The following CEACAM3 variants were observed in gnomAD, a reference collection of about 807,000 sequenced individuals.
The protein encoded by CEACAM3 is CEA cell adhesion molecule 3.
In CEACAM3, 32 loss-of-function variants were observed where a neutral mutation model predicts 30.1. The ratio of observed to expected loss-of-function variants is 1.06; its 90% CI spans 0.80 to 1.43. The LOEUF is 1.43. Among genes scored for constraint, CEACAM3 ranks in the 40% most tolerant of loss-of-function variants. CEACAM3 has a pLI of 0.00. For missense variants in CEACAM3, 290 were observed against 316.3 expected (o/e 0.92, Z 0.63); for synonymous variants, 134 against 127.2 (o/e 1.05, Z -0.36).
At chr19:41,799,602 C>T (rs527726545) in intron 2 of CEACAM3, among the ~76,000 whole-genome samples, 1 of 152,278 alleles carries the variant, frequency 6.6e-6, no homozygotes, top group African/African-American at 2.4e-5. Flanking sequence ...CCGGGCCTCC[C>T]TCTCAGATGC....
At chr19:41,804,621 T>C (rs983150766) in intron 2 of CEACAM3, among the ~76,000 whole-genome samples, 3 of 152,188 alleles carry the variant, frequency 2.0e-5, no homozygotes, top group African/African-American at 7.2e-5. Flanking sequence ...CTAACAGGAC[T>C]CACAATTCTC....
rs1555825488 is a variant in CEACAM3, at chr19:41,797,934, A to G, written c.410A>G (p.Gln137Arg). 6.2e-7 allele frequency: 1 copy of G among 1,604,870 alleles called. No homozygotes were observed. Among genetic ancestry groups the G allele is most frequent in the South Asian group, 1.1e-5 (1 of 89,558 alleles). The change falls in exon 2 of 7, where the codon CAG (glutamine) becomes CGG (arginine). Residue 137 changes from glutamine to arginine, a missense_variant. Coordinates refer to ENST00000357396, the MANE Select transcript of CEACAM3 (RefSeq NM_001815.5). Reference sequence around the variant, plus strand: ...CTTGTGAATGAAGAAGCAACTGGACAGTTCCATGTATACCGTGAGTATTTC... The same window carrying G: ...CTTGTGAATGAAGAAGCAACTGGACGGTTCCATGTATACCGTGAGTATTTC... ...SDLVNEEATG[Q>R]FHVYQENAPG...
At chr19:41,806,503 A>G (rs2073201298) in intron 2 of CEACAM3, among the ~76,000 whole-genome samples, 1 of 152,128 alleles carries the variant, frequency 6.6e-6, no homozygotes, top group African/African-American at 2.4e-5. Flanking sequence ...GTGCCAGGGG[A>G]TGTGACTCCT....
rs1296180939 is a variant in CEACAM3, at chr19:41,811,290, G to GC, written c.*56dup. 8.2e-6 allele frequency: 12 copies of GC among 1,471,128 alleles called. No individual in the cohort carries two copies. Among genetic ancestry groups the GC allele is most frequent in the Non-Finnish European group, 1.1e-5 (12 of 1,052,178 alleles). 91.1% of individuals were successfully genotyped at this position (1,471,128 alleles called of 1,614,324 possible). ...TGATGGAGAGTCCCCAAGGCCCCCA[G>GC]CCCTGGGGATGGGGAAGGACATGAA... On this transcript the variant is annotated 3_prime_UTR_variant, in exon 7 of 7. Coordinates refer to ENST00000357396, the MANE Select transcript of CEACAM3 (RefSeq NM_001815.5).
At position 41,796,686 on chromosome 19, in the gene CEACAM3, C is replaced by A. The variant is rs782113288; in HGVS notation, c.9C>A (p.Pro3=). The A allele has an allele frequency of 3.1e-6, 5 of 1,614,156 alleles. No homozygotes were observed. The East Asian group carries it at 1.1e-4, about 36-fold the overall frequency. The change falls in exon 1 of 7, where the codon CCC becomes CCA. Residue 3 remains proline, a synonymous_variant. Transcript: ENST00000357396. ...AGCAGGCAGCAGAGACCATGGGGCCCCCCTCAGCCTCTCCCCACAGAGAAT... is the reference window on the plus strand; with the variant it reads ...AGCAGGCAGCAGAGACCATGGGGCCACCCTCAGCCTCTCCCCACAGAGAAT... MG[P]PSASPHRECI...
At chr19:41,800,099 T>C (rs2073133919) in intron 2 of CEACAM3, among the ~76,000 whole-genome samples, 1 of 152,184 alleles carries the variant, frequency 6.6e-6, no homozygotes, top group Non-Finnish European at 1.5e-5. Context: ...TTAGATATGA[T>C]TATATGTGAA....
chr19:41,810,228 T>C, intron 4 of CEACAM3, 95 bp from the exon 5 acceptor site: 1 of 1,473,294 alleles, frequency 6.8e-7, no homozygotes, highest in South Asian at 1.2e-5. Context: ...CCTCAGCTGC[T>C]CAGGTATCTT....
intron 2 of CEACAM3, among the ~76,000 whole-genome samples, chr19:41,799,090 G>A (rs144530957): frequency 6.6e-6 from 1 of 152,242 alleles, no homozygotes; most frequent in African/African-American, 2.4e-5. Context: ...GGAGAGTAAG[G>A]GGCAAATGGA....
At chr19:41,810,436 C>T in intron 5 of CEACAM3, 82 bp downstream of exon 5, 1 of 1,441,010 alleles carries the variant, frequency 6.9e-7, no homozygotes, top group African/African-American at 1.4e-5. Context: ...AGCCCCCCAG[C>T]ACAGAACAGA....
intron 2 of CEACAM3, among the ~76,000 whole-genome samples, chr19:41,798,649 G>C (rs528752542): frequency 4.3e-4 from 66 of 152,196 alleles, no homozygotes; most frequent in African/African-American, 1.4e-3. Context: ...AGTATCCCCA[G>C]GGGGAGGAAA....
intron 3 of CEACAM3, 105 bp downstream of exon 3, chr19:41,809,035 C>T: frequency 1.3e-6 from 1 of 798,918 alleles, no homozygotes; most frequent in Admixed American, 2.6e-5. Context: ...CACGGCCTCC[C>T]AAGTCCCCAG....
intron 2 of CEACAM3, among the ~76,000 whole-genome samples, chr19:41,803,212 A>G (rs1333254426): frequency 1.3e-5 from 2 of 152,236 alleles, no homozygotes; most frequent in Non-Finnish European, 2.9e-5. Flanking sequence ...GACCCCATGC[A>G]GGAACAGATG....
Position 41,811,330 on chromosome 19 carries a change from A to G in CEACAM3, c.*93A>G. ...AAGGACATGAAGCCTGAGCCAGAGA[A>G]CCAGCTATAAGTCCTGAGAAGACAC... On this transcript the variant is annotated 3_prime_UTR_variant, in exon 7 of 7. Coordinates refer to ENST00000357396, the MANE Select transcript of CEACAM3 (RefSeq NM_001815.5). 2 of 1,092,632 alleles carry G rather than the reference A, an allele frequency of 1.8e-6. No individual in the cohort carries two copies. Among genetic ancestry groups the G allele is most frequent in the Non-Finnish European group, 2.8e-6 (2 of 717,534 alleles). 67.7% of individuals were successfully genotyped at this position (1,092,632 alleles called of 1,614,324 possible). A position where few individuals can be genotyped will look rare whatever the true frequency, so the allele number is the denominator to read the frequency against.
At chr19:41,801,967 T>C (rs1600516848) in intron 2 of CEACAM3, among the ~76,000 whole-genome samples, 1 of 152,208 alleles carries the variant, frequency 6.6e-6, no homozygotes, top group Admixed American at 6.5e-5. Context: ...GGGACTATAA[T>C]CATCCTTGCT....
At position 41,808,931 on chromosome 19, in the gene CEACAM3, G is replaced by T. The variant is rs368228701; in HGVS notation, c.542+1G>T. On this transcript the variant is annotated splice_donor_variant, in intron 3 of 6. Transcript: ENST00000357396. LOFTEE classifies it high-confidence loss of function. ...TCCTGCTCCTTGCCAAAACTGGAAG[G>T]TACCACAGCTTTTTCCCATCCTTCT... 30 of 1,565,854 alleles carry T rather than the reference G, an allele frequency of 1.9e-5. No homozygotes were observed. The Admixed American group carries it at 3.6e-4, about 19-fold the overall frequency.
chr19:41,796,885 C>T (rs2073106957), intron 1 of CEACAM3, 144 bp downstream of exon 1: 2 of 759,900 alleles, frequency 2.6e-6, no homozygotes, highest in Non-Finnish European at 2.1e-6. Context: ...GGACACGGGT[C>T]ACAACAAGAC....
intron 2 of CEACAM3, chr19:41,807,501 C>T: frequency 5.6e-6 from 8 of 1,426,092 alleles, no homozygotes; most frequent in Non-Finnish European, 7.5e-6. Context: ...CCAGGCTGGC[C>T]ATCACTTCCT....
rs1471739300 is a variant in CEACAM3 at position 41,811,308 on chromosome 19, G to T, written c.*71G>T. 34 of 1,334,280 alleles carry T rather than the reference G, an allele frequency of 2.5e-5. No homozygotes were observed. The highest frequency in any genetic ancestry group is 3.3e-5 in the Non-Finnish European group (31 of 929,810). The allele number at this position is 1,334,280 out of a possible 1,614,324, so 82.7% of individuals were successfully genotyped here. ...GCCCCCAGCCCTGGGGATGGGGAAG[G>T]ACATGAAGCCTGAGCCAGAGAACCA... On this transcript the variant is annotated 3_prime_UTR_variant, in exon 7 of 7. Coordinates refer to ENST00000357396, the MANE Select transcript of CEACAM3 (RefSeq NM_001815.5).
chr19:41,809,869 T>G, intron 3 of CEACAM3, 96 bp from the exon 4 acceptor site: 2 of 1,217,204 alleles, frequency 1.6e-6, no homozygotes, highest in South Asian at 2.6e-5. Flanking sequence ...TCCATGCCCA[T>G]CCTTGAAAAT....
Sources: gnomAD v4.1 joint callset for allele counts (sites outside exome capture counted in the v4.1 genomes callset) on GRCh38, gnomAD v4.1.1 for gene constraint, MANE v1.5 for transcripts, NCBI Gene and HGNC (gene_info 2026-07-23, HGNC 2026-07-21) for gene names.